KLHL4: variants seen among roughly 807,000 people sequenced by gnomAD.
KLHL4 encodes the protein kelch-like protein 4.
KLHL4 carries 17 observed loss-of-function variants against 45.8 expected under a neutral mutation model. The observed-to-expected ratio is 0.37, with a 90% CI of 0.25 to 0.56. The LOEUF (loss-of-function observed/expected upper bound fraction) is 0.56, where lower values mean the gene tolerates loss of function less well. Ranked by LOEUF, KLHL4 falls within the 20% of genes least tolerant of loss-of-function variation. KLHL4 has a pLI of 0.79. For missense variants in KLHL4, 544 were observed against 544.9 expected (o/e 1.00, Z 0.02); for synonymous variants, 224 against 189.9 (o/e 1.18, Z -1.47).
chrX:87,535,097 CTG>C (rs1931401312), intron 1 of KLHL4, among the ~76,000 whole-genome samples: 1 of 111,821 alleles, frequency 8.9e-6, no homozygotes, highest in Non-Finnish European at 1.9e-5. Flanking sequence ...TAGTACATAT[CTG>C]AGGATGAAGA....
At chrX:87,554,990 C>A (rs1276271255) in intron 1 of KLHL4, among the ~76,000 whole-genome samples, 1 of 105,149 alleles carries the variant, frequency 9.5e-6, no homozygotes, top group African/African-American at 3.5e-5. Context: ...TGGTTTTTGT[C>A]TTTGGTTCTG....
intron 1 of KLHL4, among the ~76,000 whole-genome samples, chrX:87,545,735 G>A (rs1400847975): frequency 8.9e-6 from 1 of 111,915 alleles, no homozygotes; most frequent in African/African-American, 3.3e-5. Flanking sequence ...CTCAGAAGAA[G>A]ACAGGAAGAT....
intron 1 of KLHL4, among the ~76,000 whole-genome samples, chrX:87,552,544 C>T (rs894044338): frequency 2.7e-5 from 3 of 110,948 alleles, no homozygotes; most frequent in Non-Finnish European, 5.7e-5. Context: ...AGCAATCCCA[C>T]TACTTGGTAT....
chrX:87,552,458 G>A (rs1931851190), intron 1 of KLHL4, among the ~76,000 whole-genome samples: 1 of 111,420 alleles, frequency 9.0e-6, no homozygotes, highest in African/African-American at 3.3e-5. Flanking sequence ...TGGTGGGAAT[G>A]TAAACTAGTA....
intron 1 of KLHL4, among the ~76,000 whole-genome samples, chrX:87,529,398 G>A (rs1407771343): frequency 6.3e-5 from 7 of 111,574 alleles, no homozygotes; most frequent in African/African-American, 2.0e-4. Context: ...AGGATTAGTG[G>A]CTAAGTAATA....
intron 1 of KLHL4, among the ~76,000 whole-genome samples, chrX:87,534,704 C>G (rs1272296737): frequency 5.4e-5 from 6 of 111,487 alleles, no homozygotes; most frequent in Non-Finnish European, 1.1e-4. Flanking sequence ...AATTACAAAA[C>G]AGCAACTTGG....
intron 6 of KLHL4, 113 bp from the exon 7 acceptor site, chrX:87,632,097 G>T (rs1923114373): frequency 2.3e-6 from 1 of 444,368 alleles, no homozygotes; most frequent in Non-Finnish European, 3.9e-6. Context: ...AATTTGAATT[G>T]TAATCACTGA....
At chrX:87,531,454 G>A (rs745768149) in intron 1 of KLHL4, among the ~76,000 whole-genome samples, 5 of 110,846 alleles carry the variant, frequency 4.5e-5, no homozygotes, top group African/African-American at 1.6e-4. Flanking sequence ...TAAGGTGTAA[G>A]GAACATAGTG....
chrX:87,548,806 A>G (rs1931740829), intron 1 of KLHL4, among the ~76,000 whole-genome samples: 1 of 107,189 alleles, frequency 9.3e-6, no homozygotes, highest in Admixed American at 1.0e-4. Context: ...TTATATCACC[A>G]GAGAAAATAA....
At chrX:87,595,400 G>A (rs933002491) in intron 1 of KLHL4, among the ~76,000 whole-genome samples, 1 of 112,117 alleles carries the variant, frequency 8.9e-6, no homozygotes, top group Non-Finnish European at 1.9e-5. Context: ...GATCTGTGGA[G>A]TGGAACTCAA....
intron 1 of KLHL4, among the ~76,000 whole-genome samples, chrX:87,555,700 T>C (rs1391612886): frequency 1.9e-5 from 2 of 106,719 alleles, no homozygotes; most frequent in Non-Finnish European, 3.9e-5. Flanking sequence ...TTGAAGGGTT[T>C]TTTGTGTCTC....
At chrX:87,640,405 C>A (rs1923412868) in intron 9 of KLHL4, among the ~76,000 whole-genome samples, 1 of 111,295 alleles carries the variant, frequency 9.0e-6, no homozygotes, top group Non-Finnish European at 1.9e-5. Flanking sequence ...AACTACAGCC[C>A]AATATCCATG....
chrX:87,548,857 A>G lies in KLHL4; in HGVS notation c.422+30542A>G, dbSNP rs189860088. 8.0e-4 allele frequency among the ~76,000 whole-genome samples: 87 copies of G among 109,340 alleles called. 2 individuals carry two copies. In the East Asian group the frequency reaches 0.011, roughly 14 times the overall value. The allele number at this position is 109,340 out of a possible 115,157, so 94.9% of individuals were successfully genotyped here. A position where few individuals can be genotyped will look rare whatever the true frequency, so the allele number is the denominator to read the frequency against. ...GAGAAGAAAGAATGAAAAAAAAAAA[A>G]AGAGAGAAGATCACAAAACAACCAG... On this transcript the variant is annotated intron_variant, in intron 1 of 10. Transcript: ENST00000373119.
At chrX:87,521,301 A>G (rs1353433953) in intron 1 of KLHL4, among the ~76,000 whole-genome samples, 1 of 112,002 alleles carries the variant, frequency 8.9e-6, no homozygotes, top group African/African-American at 3.2e-5. Context: ...GTTATTGTAT[A>G]TGTTGCTATC....
chrX:87,562,325 A>G (rs1932115646), intron 1 of KLHL4, among the ~76,000 whole-genome samples: 1 of 110,134 alleles, frequency 9.1e-6, no homozygotes, highest in Admixed American at 9.8e-5. Context: ...CCCCAATTCC[A>G]GGCCTTAGCT....
chrX:87,663,451 C>T (rs1410078533), intron 9 of KLHL4, among the ~76,000 whole-genome samples: 1 of 112,412 alleles, frequency 8.9e-6, no homozygotes, highest in Admixed American at 9.4e-5. Flanking sequence ...CCAAACTCCT[C>T]TTCTTAATCA....
At chrX:87,621,511 G>T (rs1215974751) in intron 4 of KLHL4, among the ~76,000 whole-genome samples, 4 of 66,073 alleles carry the variant, frequency 6.1e-5, no homozygotes, top group Non-Finnish European at 8.5e-5. Flanking sequence ...TTGAGAAGGA[G>T]CTTCACTCTA....
chrX:87,590,920 T>C (rs1025504725), intron 1 of KLHL4, among the ~76,000 whole-genome samples: 7 of 112,119 alleles, frequency 6.2e-5, no homozygotes, highest in Admixed American at 3.8e-4. Flanking sequence ...GTTCCATATG[T>C]TGACTATAGT....
intron 1 of KLHL4, among the ~76,000 whole-genome samples, chrX:87,596,260 A>G (rs756821511): frequency 3.6e-5 from 4 of 112,342 alleles, no homozygotes; most frequent in African/African-American, 1.3e-4. Context: ...ATAATTTTTT[A>G]TAGCAAAGTG....
Sources: allele counts gnomAD v4.1 joint callset (sites outside exome capture counted in the v4.1 genomes callset), GRCh38; gene constraint gnomAD v4.1.1; transcripts MANE v1.5; gene names NCBI Gene and HGNC (gene_info 2026-07-23, HGNC 2026-07-21).